Variants in BRD2 observed in about 807,000 individuals in gnomAD.
BRD2 encodes the protein bromodomain-containing protein 2.
BRD2 carries 15 observed loss-of-function variants against 79.1 expected under a neutral mutation model. That is an observed-to-expected ratio of 0.19 (90% CI 0.13 to 0.29). The LOEUF is 0.29. Ranked by LOEUF, BRD2 falls within the 10% of genes least tolerant of loss-of-function variation. The probability of loss-of-function intolerance (pLI) is 1.00; values close to 1 mark genes in which losing one functional copy is unlikely to be tolerated. For synonymous variants in BRD2, 488 were observed against 358.6 expected, an observed-to-expected ratio of 1.36 and a Z score of -4.08; for missense variants, 1,053 against 991.3, an observed-to-expected ratio of 1.06 and a Z score of -0.84.
chr6:32,979,519 A>T, intron 10 of BRD2: 1 of 403,290 alleles, frequency 2.5e-6, no homozygotes, highest in Non-Finnish European at 4.4e-6. Flanking sequence ...ATTTGTGACA[A>T]CCCTGTGTGG....
chr6:32,970,488 G>C (rs1012795314), intron 1 of BRD2: 2 of 153,654 alleles, frequency 1.3e-5, no homozygotes, highest in Non-Finnish European at 2.9e-5. Flanking sequence ...TGCAGCTCAA[G>C]GACCTAGGCC....
chr6:32,972,895 C>T lies in BRD2; in HGVS notation c.-4C>T. On this transcript the variant is annotated 5_prime_UTR_variant, in exon 2 of 13. Transcript: ENST00000374825. ...GAGGGCAGCGCCGGTTCCTTGCGGTCAAGATGCTGCAAAACGTGACTCCCC... is the reference window on the plus strand; with the variant it reads ...GAGGGCAGCGCCGGTTCCTTGCGGTTAAGATGCTGCAAAACGTGACTCCCC... 3 of 1,614,034 alleles carry T rather than the reference C, an allele frequency of 1.9e-6. No homozygotes were observed. The highest frequency in any genetic ancestry group is 2.5e-6 in the Non-Finnish European group (3 of 1,179,968).
intron 1 of BRD2, among the ~76,000 whole-genome samples, chr6:32,969,887 C>A (rs556118840): frequency 3.3e-5 from 5 of 152,184 alleles, no homozygotes; most frequent in Admixed American, 6.5e-5. Context: ...CCCTCATCCC[C>A]TCCCCCAGTC....
rs1393322271 is a variant in BRD2 at position 32,972,473 on chromosome 6, C to G, written c.-426C>G. 2.0e-5 allele frequency: 6 copies of G among 303,188 alleles called. No homozygotes were observed. The East Asian group carries it at 4.8e-4, about 24-fold the overall frequency. 18.8% of individuals were successfully genotyped at this position (303,188 alleles called of 1,614,324 possible). On this transcript the variant is annotated 5_prime_UTR_variant, in exon 2 of 13. Transcript: ENST00000374825. ...ATTTCAAAGATGGAGGCGGCGGCTC[C>G]CTAAACCACTTTTCGTGTTCATCCG...
At chr6:32,975,929 A>G (rs962432563) in intron 4 of BRD2, 102 bp from the exon 5 acceptor site, 48 of 1,299,240 alleles carry the variant, frequency 3.7e-5, no homozygotes, top group Admixed American at 2.0e-4. Flanking sequence ...TGGTGGGGGT[A>G]TGGTAATGGC....
In BRD2 at chr6:32,976,578, G is replaced by A. The variant is rs776772440; in HGVS notation, c.842G>A (p.Arg281Gln). The change falls in exon 7 of 13, where the codon CGG (arginine) becomes CAG (glutamine). Residue 281 changes from arginine (R) to glutamine (Q), a missense_variant. Arg to Gln is a conservative substitution (Grantham distance 43). Around this residue, in one of 5 missense-constraint regions of BRD2, gnomAD observed 3 missense variants for 18.8 expected, o/e 0.16. Coordinates refer to ENST00000374825, the MANE Select transcript of BRD2 (RefSeq NM_005104.4). ...TTTCTGCAGAAAAAAGGCGTAAAGC[G>A]GAAAGCAGATACTACCACCCCTACA... ...QPLAKKKGVKRKADTTTPTPT... is the reference protein window; with the variant it reads ...QPLAKKKGVKQKADTTTPTPT... The A allele has an allele frequency of 6.3e-7, 1 of 1,596,382 alleles. No individual in the cohort carries two copies. Among genetic ancestry groups the A allele is most frequent in the Non-Finnish European group, 8.5e-7 (1 of 1,171,906 alleles).
intron 2 of BRD2, among the ~76,000 whole-genome samples, chr6:32,973,431 T>C (rs1403201987): frequency 6.6e-6 from 1 of 152,146 alleles, no homozygotes; most frequent in Non-Finnish European, 1.5e-5. Context: ...TTAAATCTTT[T>C]GCTTTCTTTG....
intron 2 of BRD2, among the ~76,000 whole-genome samples, chr6:32,973,362 A>G (rs1485348267): frequency 6.6e-6 from 1 of 152,118 alleles, no homozygotes; most frequent in East Asian, 1.9e-4. Context: ...GGATTCCCAG[A>G]GAAGGGTAAA....
chr6:32,976,490 C>T (rs1246054552), intron 6 of BRD2, 26 bp downstream of exon 6: 3 of 1,603,866 alleles, frequency 1.9e-6, no homozygotes, highest in African/African-American at 1.3e-5. Context: ...TTCCTCTGGG[C>T]AGCAGGGAGG....
chr6:32,972,486 TCGTG>T lies in BRD2; in HGVS notation c.-412_-409del. 1 of 304,850 alleles carries T rather than the reference TCGTG, an allele frequency of 3.3e-6. No individual in the cohort carries two copies. The allele number at this position is 304,850 out of a possible 1,614,324, so 18.9% of individuals were successfully genotyped here. ...AGGCGGCGGCTCCCTAAACCACTTT[TCGTG>T]TTCATCCGCCTCCATCCGAGATCGA... On this transcript the variant is annotated 5_prime_UTR_variant, in exon 2 of 13. Coordinates refer to ENST00000374825, the MANE Select transcript of BRD2 (RefSeq NM_005104.4).
Position 32,979,672 on chromosome 6 carries a change from T to C in BRD2, c.1842-156T>C. 5 of 803,518 alleles carry C rather than the reference T, an allele frequency of 6.2e-6. No homozygotes were observed. In the East Asian group the frequency reaches 8.0e-5, roughly 13 times the overall value. The allele number at this position is 803,518 out of a possible 1,614,324, so 49.8% of individuals were successfully genotyped here. A position where few individuals can be genotyped will look rare whatever the true frequency, so the allele number is the denominator to read the frequency against. On this transcript the variant is annotated intron_variant, in intron 10 of 12. Transcript: ENST00000374825. ...TCGAGCAAAATGCTCTGTTTCACTA[T>C]ACAGTGTCCCAGTAGCCCACCTCTT...
rs1778912989 is a variant in BRD2, at chr6:32,977,433, C to T, written c.1201-9C>T. 5 of 1,613,826 alleles carry T rather than the reference C, an allele frequency of 3.1e-6. No homozygotes were observed. The highest frequency in any genetic ancestry group is 1.1e-5 in the South Asian group (1 of 91,086). Reference sequence around the variant, plus strand: ...CCTGTGCAGCTTCTGATGCTGCCTCCTTCTGCAGCGGAAGATGGAGAACCG... The same window carrying T: ...CCTGTGCAGCTTCTGATGCTGCCTCTTTCTGCAGCGGAAGATGGAGAACCG... On this transcript the variant is annotated splice_polypyrimidine_tract_variant and intron_variant, in intron 7 of 12. Transcript: ENST00000374825.
rs765122631 is a variant in BRD2, at chr6:32,978,095, C to T, written c.1579-31C>T. The T allele has an allele frequency of 1.8e-5, 28 of 1,589,156 alleles. No homozygotes were observed. The Middle Eastern group carries it at 5.0e-4, about 29-fold the overall frequency. On this transcript the variant is annotated intron_variant, in intron 9 of 12. Coordinates refer to ENST00000374825, the MANE Select transcript of BRD2 (RefSeq NM_005104.4). Reference sequence around the variant, plus strand: ...CTTCTTGTTATTTTATCTTTATTTACTTTTTCCACTTCATGTTTTTTTTCC... The same window carrying T: ...CTTCTTGTTATTTTATCTTTATTTATTTTTTCCACTTCATGTTTTTTTTCC...
chr6:32,972,152 C>T lies in BRD2; in HGVS notation c.-747C>T, dbSNP rs1417353040. On this transcript the variant is annotated 5_prime_UTR_variant, in exon 2 of 13. Coordinates refer to ENST00000374825, the MANE Select transcript of BRD2 (RefSeq NM_005104.4). ...GGTGGCGCGCATGAGCGGCGAAGCT[C>T]CTCCTCCCCGCCTATATATAAAGGG... 1.6e-6 allele frequency: 1 copy of T among 640,528 alleles called. No homozygotes were observed. The highest frequency in any genetic ancestry group is 1.8e-5 in the African/African-American group (1 of 55,580). The allele number at this position is 640,528 out of a possible 1,614,324, so 39.7% of individuals were successfully genotyped here. A position where few individuals can be genotyped will look rare whatever the true frequency, so the allele number is the denominator to read the frequency against.
intron 1 of BRD2, chr6:32,970,364 C>T (rs1478672664): frequency 1.3e-5 from 2 of 152,392 alleles, no homozygotes; most frequent in Admixed American, 6.5e-5. Flanking sequence ...CCCCCGCCCT[C>T]CCGGGGTTTG....
Position 32,971,974 on chromosome 6 carries a change from T to C in BRD2, c.-925T>C. The C allele has an allele frequency of 2.8e-6, 2 of 702,922 alleles. No homozygotes were observed. Among genetic ancestry groups the C allele is most frequent in the Non-Finnish European group, 5.2e-6 (2 of 384,978 alleles). 43.5% of individuals were successfully genotyped at this position (702,922 alleles called of 1,614,324 possible). ...CTGCGGCACTCTTCTGCCTGGTGAC[T>C]GACACCTTGGAAATGAAGTTTATGA... is the stretch of plus-strand genomic sequence containing the variant. On this transcript the variant is annotated 5_prime_UTR_variant, in exon 2 of 13. It removes the in-frame stop codon of an upstream open reading frame in the 5' UTR. Coordinates refer to ENST00000374825, the MANE Select transcript of BRD2 (RefSeq NM_005104.4).
rs1779358840 is a variant in BRD2 at position 32,980,367 on chromosome 6, A to G, written c.2172A>G (p.Thr724=). ...CCATTAAGAAGCCTGTGGGAAAGAC[A>G]AAGGAGGAACTGGCTTTGGAGAAAA... The part of the protein sequence containing the change: ...PYTIKKPVGK[T]KEELALEKKR... Residue 724 remains threonine, a synonymous_variant, in exon 12 of 13, where the codon ACA becomes ACG. Transcript: ENST00000374825. 1 of 1,613,106 alleles carries G rather than the reference A, an allele frequency of 6.2e-7. No individual in the cohort carries two copies. The highest frequency in any genetic ancestry group is 1.3e-5 in the African/African-American group (1 of 75,054).
chr6:32,972,094 G>T lies in BRD2; in HGVS notation c.-805G>T. ...TCTTCACCCGCGTGAGCGAGCGCGC[G>T]CGCGCGGAGGGGGTGGGGAAAAGCT... On this transcript the variant is annotated 5_prime_UTR_variant, in exon 2 of 13. Transcript: ENST00000374825. 1.4e-6 allele frequency: 1 copy of T among 694,020 alleles called. No individual in the cohort carries two copies. The highest frequency in any genetic ancestry group is 2.6e-6 in the Non-Finnish European group (1 of 380,456). 43.0% of individuals were successfully genotyped at this position (694,020 alleles called of 1,614,324 possible). A position where few individuals can be genotyped will look rare whatever the true frequency, so the allele number is the denominator to read the frequency against.
chr6:32,978,419 T>C, intron 10 of BRD2, 31 bp downstream of exon 10: 3 of 1,598,062 alleles, frequency 1.9e-6, no homozygotes, highest in Admixed American at 1.7e-5. Context: ...GAGACTAGTT[T>C]GGCTATTTCT....
Sources: gnomAD v4.1 joint callset for allele counts (sites outside exome capture counted in the v4.1 genomes callset) on GRCh38, gnomAD v4.1.1 for gene constraint, gnomAD v4.1.1 regional missense constraint, MANE v1.5 for transcripts, NCBI Gene and HGNC (gene_info 2026-07-23, HGNC 2026-07-21) for gene names.